DENND1A: variants seen among roughly 807,000 people sequenced by gnomAD.
DENND1A encodes the protein DENN domain-containing protein 1A.
In DENND1A, 51 loss-of-function variants were observed where a neutral mutation model predicts 113.7. The observed-to-expected ratio is 0.45, with a 90% CI of 0.36 to 0.57. DENND1A has a LOEUF of 0.57. Among genes scored for constraint, DENND1A ranks in the 20% least tolerant of loss-of-function variants. The pLI is 0.00. For missense variants in DENND1A, 1,258 were observed against 1,395.9 expected, an observed-to-expected ratio of 0.90 and a Z score of 1.57; for synonymous variants, 565 against 570.8, an observed-to-expected ratio of 0.99 and a Z score of 0.14.
intron 19 of DENND1A, among the ~76,000 whole-genome samples, chr9:123,420,553 A>C (rs1253262445): frequency 1.3e-5 from 2 of 151,014 alleles, no homozygotes; most frequent in Non-Finnish European, 3.0e-5. Flanking sequence ...CCTGTCAACG[A>C]CTCTCTCCGG....
chr9:123,662,138 G>A (rs1002186975), intron 8 of DENND1A, among the ~76,000 whole-genome samples: 12 of 152,194 alleles, frequency 7.9e-5, no homozygotes, highest in Non-Finnish European at 1.8e-4. Context: ...GTTACAATAA[G>A]TAAATCACAG....
In DENND1A at chr9:123,566,913, C is replaced by CCA. The variant is rs59984497; in HGVS notation, c.868-9220_868-9219dup. Among the ~76,000 whole-genome samples the CCA allele has an allele frequency of 8.5e-3, 1,252 of 147,414 alleles. 9 individuals are homozygous for CCA. The highest frequency in any genetic ancestry group is 0.017 in the Middle Eastern group (5 of 292). ...TATACAACAATTTAGCTTTAACACA[C>CCA]CACACACACACACACACACACACAC... On this transcript the variant is annotated intron_variant, in intron 12 of 23. Coordinates refer to ENST00000394215, the MANE Select transcript of DENND1A (RefSeq NM_001352964.2).
chr9:123,672,269 A>G (rs1454160220), intron 6 of DENND1A, among the ~76,000 whole-genome samples: 2 of 152,198 alleles, frequency 1.3e-5, no homozygotes, highest in African/African-American at 4.8e-5. Flanking sequence ...CCCAGACTAC[A>G]AGCTTGTTTC....
intron 5 of DENND1A, among the ~76,000 whole-genome samples, chr9:123,718,428 T>C (rs2067121728): frequency 6.6e-6 from 1 of 152,216 alleles, no homozygotes. Context: ...CACCATTGCC[T>C]AGCTTTGCCC....
chr9:123,565,553 C>T (rs532657675), intron 12 of DENND1A, among the ~76,000 whole-genome samples: 31 of 152,176 alleles, frequency 2.0e-4, no homozygotes, highest in Non-Finnish European at 4.1e-4. Flanking sequence ...TTTTCCTCCC[C>T]CCTTTAAGGA....
intron 2 of DENND1A, among the ~76,000 whole-genome samples, chr9:123,830,623 G>C (rs1840030679): frequency 6.6e-6 from 1 of 151,996 alleles, no homozygotes; most frequent in South Asian, 2.1e-4. Context: ...CCAGCACTTT[G>C]GGAGGCCGAG....
intron 5 of DENND1A, among the ~76,000 whole-genome samples, chr9:123,711,636 G>A (rs2140957712): frequency 6.7e-6 from 1 of 148,938 alleles, no homozygotes; most frequent in South Asian, 2.2e-4. Flanking sequence ...GTTGATGGGG[G>A]CAGTCATTCA....
rs558217273 is a variant in DENND1A at position 123,675,558 on chromosome 9, C to T, written c.372+1162G>A. 2.6e-5 allele frequency among the ~76,000 whole-genome samples: 4 copies of T among 152,198 alleles called. No homozygotes were observed. The South Asian group carries it at 8.3e-4, about 32-fold the overall frequency. ...AAAATTAAGGGAAATTTTTCCTTAACGTTTAATAATAATGGATCACTTTAA... is the reference window on the plus strand; with the variant it reads ...AAAATTAAGGGAAATTTTTCCTTAATGTTTAATAATAATGGATCACTTTAA... On this transcript the variant is annotated intron_variant, in intron 6 of 23. Coordinates refer to ENST00000394215, the MANE Select transcript of DENND1A (RefSeq NM_001352964.2).
At chr9:123,800,507 A>G (rs558167097) in intron 2 of DENND1A, among the ~76,000 whole-genome samples, 7 of 152,368 alleles carry the variant, frequency 4.6e-5, no homozygotes, top group African/African-American at 1.7e-4. Flanking sequence ...GCCTGAATCC[A>G]TCAGGCCCCA....
intron 5 of DENND1A, among the ~76,000 whole-genome samples, chr9:123,690,815 T>C (rs2065143806): frequency 6.6e-6 from 1 of 152,228 alleles, no homozygotes; most frequent in East Asian, 1.9e-4. Flanking sequence ...CTCCTGCTTC[T>C]GTGAGTGAGC....
chr9:123,486,508 C>G (rs1348319273), intron 13 of DENND1A, among the ~76,000 whole-genome samples: 1 of 152,008 alleles, frequency 6.6e-6, no homozygotes, highest in Non-Finnish European at 1.5e-5. Context: ...GCAGCTGGCT[C>G]CTGCATCCCC....
chr9:123,650,127 G>A (rs1473623717), intron 9 of DENND1A, among the ~76,000 whole-genome samples: 1 of 152,194 alleles, frequency 6.6e-6, no homozygotes, highest in African/African-American at 2.4e-5. Flanking sequence ...GATAGATGTG[G>A]TTGACAATAT....
intron 2 of DENND1A, among the ~76,000 whole-genome samples, chr9:123,856,280 G>A (rs984549261): frequency 6.6e-6 from 1 of 152,122 alleles, no homozygotes; most frequent in African/African-American, 2.4e-5. Flanking sequence ...ACATAGGAGG[G>A]CTTGCACAAT....
intron 1 of DENND1A, among the ~76,000 whole-genome samples, chr9:123,891,374 T>TA (rs1392603828): frequency 2.6e-5 from 4 of 152,210 alleles, no homozygotes; most frequent in African/African-American, 9.7e-5. Context: ...TCAAATCACC[T>TA]AGAAGTTTTT....
chr9:123,639,006 T>TC (rs1197848097), intron 9 of DENND1A, among the ~76,000 whole-genome samples: 3 of 118,054 alleles, frequency 2.5e-5, no homozygotes, highest in Non-Finnish European at 4.8e-5. Context: ...TAAGGAACCT[T>TC]CAGGTGGTGA....
intron 13 of DENND1A, among the ~76,000 whole-genome samples, chr9:123,471,521 T>C (rs1391848116): frequency 1.3e-5 from 2 of 152,164 alleles, no homozygotes; most frequent in Non-Finnish European, 2.9e-5. Context: ...GCAGGACATG[T>C]GACAGGGCAG....
chr9:123,430,734 C>A lies in DENND1A; in HGVS notation c.1488+9626G>T, dbSNP rs527918626. Among the ~76,000 whole-genome samples the A allele has an allele frequency of 2.0e-5, 3 of 152,272 alleles. No homozygotes were observed. In the South Asian group the frequency reaches 6.2e-4, roughly 32 times the overall value. ...TAGCTAAGGGATGCTGGGCTTAATA[C>A]CTAGGTGATGGGTTCATCTGTGCAG... On this transcript the variant is annotated intron_variant, in intron 19 of 23. Transcript: ENST00000394215.
At chr9:123,863,202 G>C (rs1845305902) in intron 2 of DENND1A, among the ~76,000 whole-genome samples, 1 of 152,176 alleles carries the variant, frequency 6.6e-6, no homozygotes, top group Non-Finnish European at 1.5e-5. Context: ...CGAAATGTAT[G>C]ATCCCCAGGA....
intron 10 of DENND1A, 22 bp downstream of exon 10, chr9:123,630,354 A>T (rs1188203292): frequency 6.4e-7 from 1 of 1,553,272 alleles, no homozygotes; most frequent in Non-Finnish European, 8.7e-7. Context: ...GGAGAAGCAG[A>T]GGACAGGGCC....
Sources: gnomAD v4.1 joint callset for allele counts (sites outside exome capture counted in the v4.1 genomes callset) on GRCh38, gnomAD v4.1.1 for gene constraint, MANE v1.5 for transcripts, NCBI Gene and HGNC (gene_info 2026-07-23, HGNC 2026-07-21) for gene names.